The following PCDHA9 variants were observed in gnomAD, a reference collection of about 807,000 sequenced individuals.
PCDHA9 encodes the protein protocadherin alpha-9.
Under a neutral mutation model 62.0 loss-of-function variants are expected in PCDHA9, and 62 were observed. The observed-to-expected ratio is 1.00, with a 90% CI of 0.81 to 1.23. The LOEUF (loss-of-function observed/expected upper bound fraction) is 1.23. PCDHA9 is among the 50% of genes most tolerant of loss of function. PCDHA9 has a pLI of 0.00. For missense variants in PCDHA9, 1,205 were observed against 1,249.8 expected (o/e 0.96, Z 0.54); for synonymous variants, 557 against 567.6 (o/e 0.98, Z 0.27).
Position 140,849,371 on chromosome 5 carries a change from G to C in PCDHA9, c.876G>C (p.Lys292Asn). Residue 292 changes from lysine to asparagine, a missense_variant, in exon 1 of 4, where the codon AAG (lysine) becomes AAC (asparagine). Coordinates refer to ENST00000532602, the MANE Select transcript of PCDHA9 (RefSeq NM_031857.2). ...ATGTTTCTCCAGATATAAAATCCAAGTTCCACATGGACCCCTTAAGTGGGG... is the reference window on the plus strand; with the variant it reads ...ATGTTTCTCCAGATATAAAATCCAACTTCCACATGGACCCCTTAAGTGGGG... ...SSDVSPDIKS[K>N]FHMDPLSGAI... 1 of 1,495,460 alleles carries C rather than the reference G, an allele frequency of 6.7e-7. No homozygotes were observed. The allele number at this position is 1,495,460 out of a possible 1,614,324, so 92.6% of individuals were successfully genotyped here.
intron 1 of PCDHA9, chr5:140,864,197 G>A (rs2048362384): frequency 6.6e-6 from 1 of 152,118 alleles, no homozygotes; most frequent in Non-Finnish European, 1.5e-5. Context: ...ATCCTTATGA[G>A]AAGGTCAAAT....
chr5:140,870,854 T>G, intron 1 of PCDHA9: 4 of 1,613,784 alleles, frequency 2.5e-6, no homozygotes, highest in Non-Finnish European at 3.4e-6. Flanking sequence ...CCGCGGTCGG[T>G]GGGTGCGGGC....
At chr5:140,967,189 C>T (rs1554229286) in intron 1 of PCDHA9, 2 of 1,613,522 alleles carry the variant, frequency 1.2e-6, no homozygotes, top group Admixed American at 1.7e-5. Flanking sequence ...TATTGGACAT[C>T]AACGACAACT....
intron 1 of PCDHA9, among the ~76,000 whole-genome samples, chr5:140,948,503 A>G (rs949915439): frequency 1.4e-4 from 22 of 151,736 alleles, no homozygotes; most frequent in Middle Eastern, 3.4e-3. Flanking sequence ...TAGACTTTCT[A>G]TTAAAAATGT....
chr5:140,969,366 A>C (rs1554231734), intron 1 of PCDHA9: 1 of 1,609,828 alleles, frequency 6.2e-7, no homozygotes. Context: ...CTACAAACTC[A>C]TGCATTTGTT....
intron 1 of PCDHA9, among the ~76,000 whole-genome samples, chr5:140,918,298 A>G (rs2078622610): frequency 6.6e-6 from 1 of 152,150 alleles, no homozygotes; most frequent in Non-Finnish European, 1.5e-5. Context: ...GGCAGAGAAT[A>G]TAGGGTTTTC....
chr5:140,879,010 G>T (rs2057809352), intron 1 of PCDHA9, among the ~76,000 whole-genome samples: 1 of 152,200 alleles, frequency 6.6e-6, no homozygotes, highest in African/African-American at 2.4e-5. Context: ...CTAGAAATCA[G>T]ATAATGTTTT....
chr5:140,877,914 A>AT (rs2057394520), intron 1 of PCDHA9: 3 of 1,426,804 alleles, frequency 2.1e-6, no homozygotes, highest in Non-Finnish European at 2.8e-6. Flanking sequence ...ACATTCTCTC[A>AT]TTTTTCTTTA....
chr5:140,863,300 C>T (rs1554158081), intron 1 of PCDHA9: 1 of 1,463,972 alleles, frequency 6.8e-7, no homozygotes, highest in Admixed American at 1.8e-5. Flanking sequence ...CTGATCATCG[C>T]CATCTGCGTG....
In PCDHA9 at chr5:140,876,415, G is replaced by C. The variant is rs782679956; in HGVS notation, c.2394+25526G>C. 3 of 1,613,842 alleles carry C rather than the reference G, an allele frequency of 1.9e-6. No individual in the cohort carries two copies. The African/African-American group carries it at 4.0e-5, about 22-fold the overall frequency. On this transcript the variant is annotated intron_variant, in intron 1 of 3. Transcript: ENST00000532602. ...TGAACTGGATTTTGAAGAGAATAATGCCTATGAAATTCAGGTTAACGCCAT... is the reference window on the plus strand; with the variant it reads ...TGAACTGGATTTTGAAGAGAATAATCCCTATGAAATTCAGGTTAACGCCAT...
chr5:140,982,526 T>A lies in PCDHA9; in HGVS notation c.2505T>A (p.Pro835=). Residue 835 remains proline (P), a synonymous_variant, in exon 3 of 4, where the codon CCT becomes CCA. Coordinates refer to ENST00000532602, the MANE Select transcript of PCDHA9 (RefSeq NM_031857.2). ...TTCTACGGGCTGGTCCAGGAGGGCC[T>A]GATCAGCAGTGGCCAACAGTATCCA... ...AGILRAGPGG[P]DQQWPTVSSA... is the part of the protein sequence containing the mutation. 1.2e-6 allele frequency: 2 copies of A among 1,614,192 alleles called. No individual in the cohort carries two copies. Among genetic ancestry groups the A allele is most frequent in the Non-Finnish European group, 1.7e-6 (2 of 1,180,028 alleles).
intron 3 of PCDHA9, among the ~76,000 whole-genome samples, chr5:140,998,104 G>A (rs1554256160): frequency 6.6e-6 from 1 of 152,132 alleles, no homozygotes; most frequent in African/African-American, 2.4e-5. Context: ...GCAAACAGAG[G>A]AGAAAATTTA....
At chr5:140,947,796 T>C (rs2094177808) in intron 1 of PCDHA9, among the ~76,000 whole-genome samples, 2 of 151,630 alleles carry the variant, frequency 1.3e-5, no homozygotes, top group Non-Finnish European at 3.0e-5. Context: ...AACAGACTTT[T>C]AATTTGCAGA....
At chr5:140,853,663 T>C (rs1278843204) in intron 1 of PCDHA9, 2 of 988,324 alleles carry the variant, frequency 2.0e-6, no homozygotes, top group South Asian at 4.7e-5. Context: ...CCAGACAAAT[T>C]GGGGCCTATG....
chr5:140,902,703 T>C (rs1451324920), intron 1 of PCDHA9, among the ~76,000 whole-genome samples: 1 of 152,166 alleles, frequency 6.6e-6, no homozygotes, highest in African/African-American at 2.4e-5. Flanking sequence ...GTCTTTTATC[T>C]TTCACTCCCC....
At chr5:140,883,211 T>C in intron 1 of PCDHA9, 1 of 1,613,738 alleles carries the variant, frequency 6.2e-7, no homozygotes, top group Non-Finnish European at 8.5e-7. Context: ...AGAAAAGAAA[T>C]TATATGAAAT....
intron 1 of PCDHA9, among the ~76,000 whole-genome samples, chr5:140,923,301 G>C (rs1554201374): frequency 6.6e-6 from 1 of 152,206 alleles, no homozygotes; most frequent in African/African-American, 2.4e-5. Context: ...AGCTGGGCGT[G>C]GGGGCGCTTG....
In PCDHA9 at chr5:140,857,745, C is replaced by A. The variant is rs782206343; in HGVS notation, c.2394+6856C>A. ...AACGACAACGCTCCCGCGCTGCTGG[C>A]GTCTCCCGCTGGCAGCGCGGGCGGT... is the stretch of plus-strand genomic sequence containing the variant. On this transcript the variant is annotated intron_variant, in intron 1 of 3. Coordinates refer to ENST00000532602, the MANE Select transcript of PCDHA9 (RefSeq NM_031857.2). 4.6e-5 allele frequency: 73 copies of A among 1,597,310 alleles called. 8 individuals carry two copies. Among genetic ancestry groups the A allele is most frequent in the Non-Finnish European group, 5.8e-5 (68 of 1,167,612 alleles).
chr5:140,966,575 A>C (rs2096022921), intron 1 of PCDHA9: 1 of 520,380 alleles, frequency 1.9e-6, no homozygotes, highest in Non-Finnish European at 3.2e-6. Context: ...ATGGGGAGTC[A>C]GCGAGGACGG....
Sources: allele counts gnomAD v4.1 joint callset (sites outside exome capture counted in the v4.1 genomes callset), GRCh38; gene constraint gnomAD v4.1.1; transcripts MANE v1.5; gene names NCBI Gene and HGNC (gene_info 2026-07-23, HGNC 2026-07-21).